PCDHA8: variants seen among roughly 807,000 people sequenced by gnomAD.
The protein encoded by PCDHA8 is protocadherin alpha 8, also known as protocadherin alpha-8.
Under a neutral mutation model 61.8 loss-of-function variants are expected in PCDHA8, and 53 were observed. The observed-to-expected ratio is 0.86, with a 90% CI of 0.69 to 1.08. The LOEUF (loss-of-function observed/expected upper bound fraction) is 1.08. Ranked by LOEUF, PCDHA8 falls within the 50% of genes least tolerant of loss-of-function variation. The pLI, the probability that PCDHA8 is intolerant of heterozygous loss-of-function variation, is 0.00. For synonymous variants in PCDHA8, 618 were observed against 556.6 expected (o/e 1.11, Z -1.55); for missense variants, 1,293 against 1,245.0 (o/e 1.04, Z -0.58).
chr5:140,993,087 G>T (rs1476981409), intron 3 of PCDHA8, among the ~76,000 whole-genome samples: 2 of 152,188 alleles, frequency 1.3e-5, no homozygotes, highest in African/African-American at 4.8e-5. Flanking sequence ...AATCAGCAGG[G>T]CTATGTTTAT....
At chr5:140,927,533 C>T in intron 1 of PCDHA8, 1 of 1,614,102 alleles carries the variant, frequency 6.2e-7, no homozygotes, top group Non-Finnish European at 8.5e-7. Flanking sequence ...CCTGCCCGCT[C>T]AGGAGACGCA....
intron 1 of PCDHA8, chr5:140,877,314 G>C (rs2057020187): frequency 6.2e-7 from 1 of 1,613,972 alleles, no homozygotes; most frequent in Non-Finnish European, 8.5e-7. Flanking sequence ...TGCAACCGGC[G>C]GCGGTCGGCG....
chr5:140,916,229 A>G (rs2077489205), intron 1 of PCDHA8, among the ~76,000 whole-genome samples: 2 of 152,190 alleles, frequency 1.3e-5, no homozygotes, highest in African/African-American at 4.8e-5. Flanking sequence ...TATGCTTTCC[A>G]GGAGCCAAAG....
rs545282445 is a variant in PCDHA8 at position 140,862,074 on chromosome 5, A to G, written c.2394+18359A>G. On this transcript the variant is annotated intron_variant, in intron 1 of 3. Transcript: ENST00000531613. The stretch of plus-strand genomic sequence containing the variant: ...TTTCTTTGCAACTGATGTCTCCCCT[A>G]ACATAGAAGCCCTTTTTCGCATAGA... 8.3e-5 allele frequency: 13 copies of G among 157,080 alleles called. No homozygotes were observed. The South Asian group carries it at 2.1e-3, about 26-fold the overall frequency. 9.7% of individuals were successfully genotyped at this position (157,080 alleles called of 1,614,324 possible).
intron 1 of PCDHA8, among the ~76,000 whole-genome samples, chr5:140,963,621 T>C (rs1428734637): frequency 2.6e-5 from 4 of 152,334 alleles, no homozygotes; most frequent in African/African-American, 9.6e-5. Flanking sequence ...AGCTTAACTT[T>C]GTTGCATACG....
At position 140,843,595 on chromosome 5, in the gene PCDHA8, G is replaced by GTT. The variant is rs1423829570; in HGVS notation, c.2275_2276insTT (p.Cys759PhefsTer28). On this transcript the variant is annotated frameshift_variant, in exon 1 of 4. Coordinates refer to ENST00000531613, the MANE Select transcript of PCDHA8 (RefSeq NM_018911.3). LOFTEE classifies it high-confidence loss of function. ...ACTCGCAACAACAGCCGCAGAGGGT[G>GTT]TGCTCTGGTGAGGGGCCACCGAAGA... The GTT allele has an allele frequency of 1.2e-5, 19 of 1,595,984 alleles. 3 individuals carry two copies. The highest frequency in any genetic ancestry group is 1.5e-5 in the Non-Finnish European group (18 of 1,165,530).
chr5:140,927,340 G>C, intron 1 of PCDHA8: 1 of 1,614,030 alleles, frequency 6.2e-7, no homozygotes, highest in Non-Finnish European at 8.5e-7. Flanking sequence ...GAATGCCCAA[G>C]ATGACGACGA....
intron 1 of PCDHA8, chr5:140,857,033 A>C: frequency 1.3e-6 from 2 of 1,595,572 alleles, no homozygotes; most frequent in Non-Finnish European, 8.6e-7. Flanking sequence ...AAACCCACCT[A>C]TGGTTGGTCA....
intron 3 of PCDHA8, among the ~76,000 whole-genome samples, chr5:141,005,659 G>T (rs963015988): frequency 1.6e-5 from 2 of 123,890 alleles, no homozygotes; most frequent in South Asian, 2.6e-4. Flanking sequence ...TCGAGATCGC[G>T]CCACTGCACT....
chr5:140,851,794 T>C (rs2042159593), intron 1 of PCDHA8: 2 of 954,372 alleles, frequency 2.1e-6, no homozygotes. Flanking sequence ...ATTCACTTGT[T>C]CTGTCAGTAA....
At chr5:140,928,712 G>T in intron 1 of PCDHA8, 2 of 1,614,168 alleles carry the variant, frequency 1.2e-6, no homozygotes, top group Non-Finnish European at 1.7e-6. Flanking sequence ...TCTGACTCTA[G>T]TCTCTTTAGA....
Position 140,850,778 on chromosome 5 carries a change from C to T in PCDHA8, c.2394+7063C>T, listed in dbSNP as rs2150497829. On this transcript the variant is annotated intron_variant, in intron 1 of 3. Coordinates refer to ENST00000531613, the MANE Select transcript of PCDHA8 (RefSeq NM_018911.3). ...AGAGGAGGCAGAGGGTGTGCTCTGGCGAGGGTAAGCAGAAGACCGACCTCA... is the reference window on the plus strand; with the variant it reads ...AGAGGAGGCAGAGGGTGTGCTCTGGTGAGGGTAAGCAGAAGACCGACCTCA... 6 of 1,597,938 alleles carry T rather than the reference C, an allele frequency of 3.8e-6. No individual in the cohort carries two copies. The East Asian group carries it at 1.1e-4, about 30-fold the overall frequency.
intron 1 of PCDHA8, chr5:140,881,315 A>G: frequency 1.0e-6 from 1 of 981,768 alleles, no homozygotes; most frequent in Non-Finnish European, 1.2e-6. Flanking sequence ...TCCTGGTTAA[A>G]TTCTATTTAA....
At chr5:140,857,011 T>G in intron 1 of PCDHA8, 1 of 1,596,152 alleles carries the variant, frequency 6.3e-7, no homozygotes, top group Non-Finnish European at 8.6e-7. Flanking sequence ...ATGTAGATGT[T>G]ACAGATAAGG....
chr5:140,967,610 T>A, intron 1 of PCDHA8: 1 of 1,614,108 alleles, frequency 6.2e-7, no homozygotes, highest in Non-Finnish European at 8.5e-7. Context: ...GCTGAATGCC[T>A]CAGACCCGGA....
At chr5:140,991,472 C>G (rs1480480128) in intron 3 of PCDHA8, among the ~76,000 whole-genome samples, 1 of 152,172 alleles carries the variant, frequency 6.6e-6, no homozygotes, top group African/African-American at 2.4e-5. Context: ...TCTTACAGTT[C>G]TGGAAGTCAG....
intron 1 of PCDHA8, chr5:140,929,251 G>A (rs782590821): frequency 6.2e-7 from 1 of 1,613,534 alleles, no homozygotes; most frequent in South Asian, 1.1e-5. Flanking sequence ...TGCCACTGGG[G>A]TAGGACTGAA....
chr5:140,970,473 CA>C (rs1177454514), intron 1 of PCDHA8, among the ~76,000 whole-genome samples: 4 of 151,956 alleles, frequency 2.6e-5, no homozygotes, highest in African/African-American at 9.7e-5. Flanking sequence ...GGTATAAGGC[CA>C]GCTTGTTCAT....
intron 1 of PCDHA8, among the ~76,000 whole-genome samples, chr5:140,920,731 C>G (rs2079790420): frequency 6.6e-6 from 1 of 151,924 alleles, no homozygotes; most frequent in African/African-American, 2.4e-5. Flanking sequence ...GCAGTCCCAG[C>G]TACTCAGGAG....
Sources: allele counts gnomAD v4.1 joint callset (sites outside exome capture counted in the v4.1 genomes callset), GRCh38; gene constraint gnomAD v4.1.1; transcripts MANE v1.5; gene names NCBI Gene and HGNC (gene_info 2026-07-23, HGNC 2026-07-21).